Variants in EYS observed in about 807,000 individuals in gnomAD.
EYS encodes the protein EGF-like photoreceptor maintenance factor.
In EYS, 250 loss-of-function variants were observed where a neutral mutation model predicts 282.1. That is an observed-to-expected ratio of 0.89 (90% confidence interval 0.80 to 0.98). The LOEUF (loss-of-function observed/expected upper bound fraction) is 0.98. Among genes scored for constraint, EYS ranks in the 50% least tolerant of loss-of-function variants. EYS has a pLI of 0.00. For missense variants in EYS, 4,016 were observed against 3,709.0 expected (o/e 1.08, Z -2.15); for synonymous variants, 1,355 against 1,282.9 (o/e 1.06, Z -1.20).
chr6:64,308,110 C>T (rs924242009), intron 29 of EYS, among the ~76,000 whole-genome samples: 3 of 151,976 alleles, frequency 2.0e-5, no homozygotes, highest in African/African-American at 4.8e-5. Context: ...CATCAATTAC[C>T]TTGCCTTATC....
chr6:64,280,051 A>T (rs1298210106), intron 30 of EYS, among the ~76,000 whole-genome samples: 1 of 152,200 alleles, frequency 6.6e-6, no homozygotes, highest in African/African-American at 2.4e-5. Flanking sequence ...CCATTATGTC[A>T]TGTTTTTAGT....
At chr6:65,314,563 TGTGTGTG>T (rs1769249525) in intron 11 of EYS, among the ~76,000 whole-genome samples, 1 of 18,136 alleles carries the variant, frequency 5.5e-5, no homozygotes, top group Non-Finnish European at 1.4e-4. Context: ...CCCCTTATGG[TGTGTGTG>T]TGTGTGTGTG....
At chr6:65,620,711 C>T (rs1194686242) in intron 2 of EYS, among the ~76,000 whole-genome samples, 1 of 151,108 alleles carries the variant, frequency 6.6e-6, no homozygotes, top group African/African-American at 2.5e-5. Context: ...TTTCCCTCTA[C>T]ACACTGCTTT....
chr6:65,529,139 T>TAA (rs554452993), intron 2 of EYS, among the ~76,000 whole-genome samples: 1 of 147,182 alleles, frequency 6.8e-6, no homozygotes, highest in African/African-American at 2.5e-5. Flanking sequence ...TTGCTATTCT[T>TAA]AAAAAAAAAA....
chr6:64,006,883 G>C (rs1436376499), intron 33 of EYS, among the ~76,000 whole-genome samples: 1 of 152,098 alleles, frequency 6.6e-6, no homozygotes, highest in Non-Finnish European at 1.5e-5. Context: ...TGTGCTGCTG[G>C]ATTTGGTTTG....
intron 41 of EYS, among the ~76,000 whole-genome samples, chr6:63,751,712 T>G (rs1769343903): frequency 6.6e-6 from 1 of 152,176 alleles, no homozygotes; most frequent in Non-Finnish European, 1.5e-5. Context: ...CACTGGGAGT[T>G]GTGTGAATGA....
chr6:65,261,255 A>G (rs1301582798), intron 12 of EYS, among the ~76,000 whole-genome samples: 3 of 151,938 alleles, frequency 2.0e-5, no homozygotes, highest in Admixed American at 6.6e-5. Context: ...GACATATATA[A>G]TATGTATATT....
rs1258628912 is a variant in EYS at position 65,310,784 on chromosome 6, C to T, written c.1767-14665G>A. On this transcript the variant is annotated intron_variant, in intron 11 of 42. Transcript: ENST00000503581. The stretch of plus-strand genomic sequence containing the variant: ...TATCATTATCATATAAGCTCCATGT[C>T]TAACTCAAGTGTTACCACTTCAAAT... 2.0e-5 allele frequency among the ~76,000 whole-genome samples: 3 copies of T among 152,150 alleles called. No individual in the cohort carries two copies. In the South Asian group the frequency reaches 6.2e-4, roughly 31 times the overall value.
intron 12 of EYS, among the ~76,000 whole-genome samples, chr6:65,104,692 T>C (rs1042079056): frequency 2.0e-5 from 3 of 151,656 alleles, no homozygotes; most frequent in African/African-American, 7.2e-5. Flanking sequence ...TTGTGTAATA[T>C]TGTGACCTCT....
At chr6:64,228,052 T>TA (rs1766302612) in intron 31 of EYS, among the ~76,000 whole-genome samples, 1 of 152,072 alleles carries the variant, frequency 6.6e-6, no homozygotes, top group African/African-American at 2.4e-5. Context: ...AGTCATGCTA[T>TA]AAAAAATGAC....
chr6:64,203,504 T>C (rs72876897), intron 31 of EYS, among the ~76,000 whole-genome samples: 51,589 of 152,030 alleles, frequency 0.34, 8,798 homozygotes, highest in East Asian at 0.54. Flanking sequence ...TCCCCTAAAG[T>C]ACAGCATCCA....
At position 65,204,963 on chromosome 6, in the gene EYS, T is replaced by C. The variant is rs1324337545; in HGVS notation, c.2023+90900A>G. 2.5e-5 allele frequency among the ~76,000 whole-genome samples: 3 copies of C among 121,476 alleles called. 1 individual carries two copies. The highest frequency in any genetic ancestry group is 1.0e-4 in the African/African-American group (3 of 29,830). The allele number at this position is 121,476 out of a possible 152,430, so 79.7% of individuals were successfully genotyped here. On this transcript the variant is annotated intron_variant, in intron 12 of 42. Transcript: ENST00000503581. ...TATATTTATATATTCTAGAAGAATA[T>C]ATTTATATATTCTAGAAGAATATAT... is the stretch of plus-strand genomic sequence containing the variant.
intron 5 of EYS, among the ~76,000 whole-genome samples, chr6:65,427,961 A>T (rs1329670271): frequency 2.6e-5 from 4 of 151,784 alleles, no homozygotes; most frequent in Non-Finnish European, 5.9e-5. Flanking sequence ...TGAAAGTACA[A>T]ATAAAGAAAA....
At chr6:65,517,783 T>G (rs1206665212) in intron 2 of EYS, among the ~76,000 whole-genome samples, 1 of 152,024 alleles carries the variant, frequency 6.6e-6, no homozygotes, top group African/African-American at 2.4e-5. Context: ...TTGTTGTGAA[T>G]TACAGATGTT....
At chr6:63,971,799 C>T (rs1333385306) in intron 35 of EYS, among the ~76,000 whole-genome samples, 1 of 152,198 alleles carries the variant, frequency 6.6e-6, no homozygotes, top group Non-Finnish European at 1.5e-5. Flanking sequence ...GCATGATTTT[C>T]TGCCAATTTT....
rs538836415 is a variant in EYS, at chr6:65,627,537, G to A, written c.-333+12241C>T. Among the ~76,000 whole-genome samples, 24 of 152,280 alleles carry A rather than the reference G, an allele frequency of 1.6e-4. No individual in the cohort carries two copies. In the South Asian group the frequency reaches 1.7e-3, roughly 11 times the overall value. The stretch of plus-strand genomic sequence containing the variant: ...CAGGGAGGTGTGGAGGGAGAGGTGC[G>A]AGCAGGAACCGGGGCTGCCTGCCGC... On this transcript the variant is annotated intron_variant, in intron 2 of 42. Transcript: ENST00000503581.
intron 2 of EYS, among the ~76,000 whole-genome samples, chr6:65,632,765 A>G (rs1323923631): frequency 6.6e-6 from 1 of 152,208 alleles, no homozygotes; most frequent in Admixed American, 6.5e-5. Flanking sequence ...TATTTTCTCA[A>G]GTAGAAACAA....
chr6:65,568,914 T>A (rs1002273765), intron 2 of EYS, among the ~76,000 whole-genome samples: 2 of 152,214 alleles, frequency 1.3e-5, no homozygotes, highest in African/African-American at 4.8e-5. Context: ...GAGTCCATCT[T>A]GCCTCTAACT....
chr6:64,962,613 G>A (rs983498668), intron 14 of EYS, among the ~76,000 whole-genome samples: 3 of 151,850 alleles, frequency 2.0e-5, no homozygotes, highest in African/African-American at 7.3e-5. Flanking sequence ...GGTGCTGTAT[G>A]CCTGTAGTCC....
Sources: allele counts gnomAD v4.1 joint callset (sites outside exome capture counted in the v4.1 genomes callset), GRCh38; gene constraint gnomAD v4.1.1; transcripts MANE v1.5; gene names NCBI Gene and HGNC (gene_info 2026-07-23, HGNC 2026-07-21).